The following PDGFRA variants were observed in gnomAD, a reference collection of about 807,000 sequenced individuals.
PDGFRA encodes platelet derived growth factor receptor alpha.
PDGFRA carries 25 observed loss-of-function variants against 121.5 expected under a neutral mutation model. That is an observed-to-expected ratio of 0.21 (90% CI 0.15 to 0.29). The LOEUF is 0.29. PDGFRA is among the 10% of genes least tolerant of loss of function. The pLI is 1.00. For missense variants in PDGFRA, 1,008 were observed against 1,345.1 expected (o/e 0.75, Z 3.92); for synonymous variants, 463 against 494.8 (o/e 0.94, Z 0.85).
chr4:54,261,898 CATATATATATATATAT>C (rs397880252), intron 3 of PDGFRA, among the ~76,000 whole-genome samples: 7 of 95,310 alleles, frequency 7.3e-5, no homozygotes, highest in African/African-American at 2.8e-4. Context: ...AAAAAAGTTA[CATATATATATATATAT>C]ATATATATAT....
intron 1 of PDGFRA, chr4:54,240,255 T>A (rs1270388723): frequency 5.6e-6 from 1 of 177,958 alleles, no homozygotes; most frequent in African/African-American, 2.4e-5. Flanking sequence ...GGCAACTGTT[T>A]AAGGCAAGAC....
chr4:54,244,337 C>T (rs549132271), intron 1 of PDGFRA, among the ~76,000 whole-genome samples: 8 of 152,328 alleles, frequency 5.3e-5, no homozygotes, highest in Non-Finnish European at 2.9e-5. Context: ...CAGACTGACA[C>T]CTCACACAGC....
intron 1 of PDGFRA, among the ~76,000 whole-genome samples, chr4:54,250,755 C>G (rs1338199770): frequency 1.3e-5 from 2 of 152,106 alleles, no homozygotes; most frequent in African/African-American, 4.8e-5. Flanking sequence ...AAATGCAAGC[C>G]TCTGATAACT....
chr4:54,258,820 A>G lies in PDGFRA; in HGVS notation c.49+3A>G. ...GGTCTTAGGCTGTCTTCTCACAGGT[A>G]CGGAGCCCAGTCCTCTCTGAGTTCC... On this transcript the variant is annotated splice_donor_region_variant and intron_variant, in intron 2 of 22. Coordinates refer to ENST00000257290, the MANE Select transcript of PDGFRA (RefSeq NM_006206.6). The G allele has an allele frequency of 6.2e-7, 1 of 1,613,016 alleles. No individual in the cohort carries two copies. Among genetic ancestry groups the G allele is most frequent in the Non-Finnish European group, 8.5e-7 (1 of 1,178,980 alleles).
At chr4:54,248,857 T>A (rs548209671) in intron 1 of PDGFRA, among the ~76,000 whole-genome samples, 164 of 151,858 alleles carry the variant, frequency 1.1e-3, no homozygotes, top group African/African-American at 3.9e-3. Flanking sequence ...CAATGAACTT[T>A]AACAAATTTA....
At chr4:54,246,029 A>G (rs999753259) in intron 1 of PDGFRA, among the ~76,000 whole-genome samples, 1 of 152,202 alleles carries the variant, frequency 6.6e-6, no homozygotes, top group Non-Finnish European at 1.5e-5. Flanking sequence ...CTAAATATAT[A>G]TGCACCCAAC....
At chr4:54,285,759 A>AGTCT in intron 17 of PDGFRA, 82 bp from the exon 18 acceptor site, 1 of 1,467,358 alleles carries the variant, frequency 6.8e-7, no homozygotes, top group East Asian at 2.3e-5. Context: ...AAGTGCCACC[A>AGTCT]TGGATCAGCC....
intron 22 of PDGFRA, among the ~76,000 whole-genome samples, 168 bp from the exon 23 acceptor site, chr4:54,294,957 G>A (rs1400712008): frequency 6.6e-6 from 1 of 152,208 alleles, no homozygotes; most frequent in Admixed American, 6.5e-5. Flanking sequence ...GGTGGACCTT[G>A]GTTTTCCACG....
chr4:54,265,212 T>C lies in PDGFRA; in HGVS notation c.759+163T>C, dbSNP rs951691041. 13 of 684,914 alleles carry C rather than the reference T, an allele frequency of 1.9e-5. No homozygotes were observed. The Middle Eastern group carries it at 1.2e-3, about 61-fold the overall frequency. 42.4% of individuals were successfully genotyped at this position (684,914 alleles called of 1,614,324 possible). On this transcript the variant is annotated intron_variant, in intron 5 of 22. Coordinates refer to ENST00000257290, the MANE Select transcript of PDGFRA (RefSeq NM_006206.6). ...CATTTGATTAAATGGCCTTTAGGAC[T>C]CCTTGATCAATGGGAGAGTTTGAAA...
chr4:54,267,249 G>C, intron 5 of PDGFRA, 40 bp from the exon 6 acceptor site: 1 of 1,599,148 alleles, frequency 6.3e-7, no homozygotes, highest in South Asian at 1.1e-5. Flanking sequence ...TCCTAGGAGC[G>C]AGCTTTTTAA....
intron 22 of PDGFRA, among the ~76,000 whole-genome samples, chr4:54,294,023 A>G (rs996134909): frequency 2.0e-5 from 3 of 152,128 alleles, no homozygotes; most frequent in Admixed American, 2.0e-4. Context: ...TATAATATGT[A>G]GACAGCCCTT....
intron 1 of PDGFRA, among the ~76,000 whole-genome samples, chr4:54,249,528 G>A (rs928368516): frequency 1.6e-4 from 24 of 151,976 alleles, no homozygotes; most frequent in Non-Finnish European, 2.4e-4. Flanking sequence ...GTAAACTATC[G>A]CAAGAAGAAA....
intron 1 of PDGFRA, among the ~76,000 whole-genome samples, chr4:54,253,791 T>C (rs1222781173): frequency 6.6e-6 from 1 of 152,124 alleles, no homozygotes; most frequent in East Asian, 1.9e-4. Context: ...TTCAAGTGAT[T>C]CTCATGCCTC....
chr4:54,286,092 TGCCTTG>T, intron 18 of PDGFRA, 129 bp downstream of exon 18: 2 of 964,324 alleles, frequency 2.1e-6, no homozygotes. Context: ...GTCAGTACAC[TGCCTTG>T]GCAGCAGATT....
chr4:54,267,275 C>A lies in PDGFRA; in HGVS notation c.760-14C>A, dbSNP rs1723077252. The A allele has an allele frequency of 6.2e-7, 1 of 1,613,912 alleles. No individual in the cohort carries two copies. The highest frequency in any genetic ancestry group is 8.5e-7 in the Non-Finnish European group (1 of 1,179,840). ...AGCTTTTTAAAAGTCGGTTTTCTTC[C>A]CCTTTTGCTGTAGAAAGGCAAAGGC... is the stretch of plus-strand genomic sequence containing the variant. On this transcript the variant is annotated splice_polypyrimidine_tract_variant and intron_variant, in intron 5 of 22. Transcript: ENST00000257290.
At chr4:54,278,312 T>TTCTG (rs1378348969) in intron 14 of PDGFRA, 50 bp from the exon 15 acceptor site, 2 of 1,521,248 alleles carry the variant, frequency 1.3e-6, no homozygotes, top group Non-Finnish European at 9.1e-7. Flanking sequence ...TTCATGGCTT[T>TTCTG]TCTGTTCTTC....
intron 1 of PDGFRA, among the ~76,000 whole-genome samples, chr4:54,233,121 A>G (rs186188827): frequency 1.3e-5 from 2 of 151,792 alleles, no homozygotes; most frequent in African/African-American, 4.8e-5. Context: ...ATGCAAACGC[A>G]GAGCGTCGTG....
intron 13 of PDGFRA, 33 bp downstream of exon 13, chr4:54,277,525 CGGGGATTTTTTGAGCAT>C: frequency 4.1e-6 from 6 of 1,455,416 alleles, no homozygotes; most frequent in East Asian, 2.3e-5. Context: ...TTTTTGAGCA[CGGGGATTTTTTGAGCAT>C]GGGGATATTA....
In PDGFRA at chr4:54,229,515, G is replaced by GA. The variant is rs565335773; in HGVS notation, c.-13+111dup. 0.27 allele frequency: 82,557 copies of GA among 311,106 alleles called. 5,482 individuals are homozygous for GA. Among genetic ancestry groups the GA allele is most frequent in the African/African-American group, 0.35 (15,555 of 44,310 alleles). 19.3% of individuals were successfully genotyped at this position (311,106 alleles called of 1,614,324 possible). On this transcript the variant is annotated intron_variant, in intron 1 of 22. Coordinates refer to ENST00000257290, the MANE Select transcript of PDGFRA (RefSeq NM_006206.6). ...AGTAACTTCAAACTTTGGGCGACAA[G>GA]AAAAAAAAAAAGGAGCTGGATTCCA...
Sources: allele counts gnomAD v4.1 joint callset (sites outside exome capture counted in the v4.1 genomes callset), GRCh38; gene constraint gnomAD v4.1.1; transcripts MANE v1.5; gene names NCBI Gene and HGNC (gene_info 2026-07-23, HGNC 2026-07-21).